The following JAKMIP2 variants were observed in gnomAD, a reference collection of about 807,000 sequenced individuals.
JAKMIP2 encodes janus kinase and microtubule interacting protein 2, also known as janus kinase and microtubule-interacting protein 2.
In JAKMIP2, 25 loss-of-function variants were observed where a neutral mutation model predicts 115.0. The ratio of observed to expected loss-of-function variants is 0.22; its 90% confidence interval spans 0.16 to 0.30. JAKMIP2 has a LOEUF of 0.30. Ranked by LOEUF, JAKMIP2 falls within the 10% of genes least tolerant of loss-of-function variation. The probability of loss-of-function intolerance (pLI) is 1.00; values close to 1 mark genes in which losing one functional copy is unlikely to be tolerated. For synonymous variants in JAKMIP2, 334 were observed against 343.6 expected, an observed-to-expected ratio of 0.97 and a Z score of 0.31; for missense variants, 642 against 957.6, an observed-to-expected ratio of 0.67 and a Z score of 4.35.
At chr5:147,742,143 A>ATG (rs1350740595) in intron 1 of JAKMIP2, among the ~76,000 whole-genome samples, 1 of 114,910 alleles carries the variant, frequency 8.7e-6, no homozygotes, top group East Asian at 3.2e-4. Flanking sequence ...GGATCATTAT[A>ATG]TATATATATA....
At chr5:147,744,548 G>A (rs1405666643) in intron 1 of JAKMIP2, among the ~76,000 whole-genome samples, 1 of 152,166 alleles carries the variant, frequency 6.6e-6, no homozygotes, top group Non-Finnish European at 1.5e-5. Flanking sequence ...CATTAATACT[G>A]TTTTAAAGCA....
chr5:147,746,098 G>A (rs749637593), intron 1 of JAKMIP2, among the ~76,000 whole-genome samples: 5 of 152,118 alleles, frequency 3.3e-5, no homozygotes, highest in Non-Finnish European at 7.4e-5. Context: ...GAGAGAATAG[G>A]ATCCAAGTTG....
At chr5:147,733,692 C>A (rs1190043655) in intron 1 of JAKMIP2, among the ~76,000 whole-genome samples, 1 of 152,148 alleles carries the variant, frequency 6.6e-6, no homozygotes, top group Non-Finnish European at 1.5e-5. Flanking sequence ...TGGACTCCCA[C>A]TTATGAGTGA....
intron 3 of JAKMIP2, among the ~76,000 whole-genome samples, chr5:147,657,501 A>T (rs1338379517): frequency 6.6e-6 from 1 of 151,832 alleles, no homozygotes; most frequent in African/African-American, 2.4e-5. Flanking sequence ...CTTCTAATGG[A>T]GTATCTTAGT....
intron 19 of JAKMIP2, among the ~76,000 whole-genome samples, chr5:147,614,505 G>C (rs1756479985): frequency 6.6e-6 from 1 of 152,094 alleles, no homozygotes; most frequent in South Asian, 2.1e-4. Flanking sequence ...TATCTCTACT[G>C]ATACCAAGTT....
intron 13 of JAKMIP2, among the ~76,000 whole-genome samples, chr5:147,631,941 T>G (rs1288848996): frequency 6.6e-6 from 1 of 152,204 alleles, no homozygotes; most frequent in East Asian, 1.9e-4. Context: ...TACTAACACC[T>G]AACTTTTTAT....
intron 1 of JAKMIP2, among the ~76,000 whole-genome samples, chr5:147,699,157 C>T (rs1203845461): frequency 2.2e-4 from 34 of 152,274 alleles, no homozygotes; most frequent in Non-Finnish European, 4.4e-5. Context: ...TAAAGCATAT[C>T]ACATTTGAAA....
rs776886380 is a variant in JAKMIP2, at chr5:147,587,475, T to C, written c.*4232A>G. 4 of 152,008 alleles carry C rather than the reference T, an allele frequency of 2.6e-5. No homozygotes were observed. Among genetic ancestry groups the C allele is most frequent in the South Asian group, 2.1e-4 (1 of 4,828 alleles). 9.4% of individuals were successfully genotyped at this position (152,008 alleles called of 1,614,324 possible). ...GTATTCTGTGCCACTCTTTGACAGA[T>C]TGAAATAATGCAATTAAATATTTTA... On this transcript the variant is annotated 3_prime_UTR_variant, in exon 22 of 22. Coordinates refer to ENST00000616793, the MANE Select transcript of JAKMIP2 (RefSeq NM_001270941.2).
chr5:147,730,353 A>C (rs1753680454), intron 1 of JAKMIP2, among the ~76,000 whole-genome samples: 1 of 152,230 alleles, frequency 6.6e-6, no homozygotes. Context: ...CAGTTTGGCA[A>C]AAAGCCTCCA....
At chr5:147,634,647 G>A (rs546287061) in intron 12 of JAKMIP2, among the ~76,000 whole-genome samples, 9 of 152,218 alleles carry the variant, frequency 5.9e-5, no homozygotes, top group Non-Finnish European at 8.8e-5. Context: ...TTATAGGGTC[G>A]CTTAACCTTC....
At chr5:147,712,588 A>T (rs1465090559) in intron 1 of JAKMIP2, among the ~76,000 whole-genome samples, 1 of 152,064 alleles carries the variant, frequency 6.6e-6, no homozygotes, top group African/African-American at 2.4e-5. Context: ...CTGCATTCTC[A>T]TCTCTTCGTG....
intron 3 of JAKMIP2, among the ~76,000 whole-genome samples, chr5:147,658,062 T>A (rs1758767963): frequency 6.6e-6 from 1 of 152,106 alleles, no homozygotes; most frequent in Admixed American, 6.5e-5. Context: ...ACAGTTGTTG[T>A]GAACGTTTGG....
chr5:147,780,499 T>C (rs1755716843), intron 1 of JAKMIP2, among the ~76,000 whole-genome samples: 1 of 152,216 alleles, frequency 6.6e-6, no homozygotes, highest in African/African-American at 2.4e-5. Context: ...GGAAGTCAAG[T>C]GTTATCACTA....
chr5:147,772,758 C>T lies in JAKMIP2; in HGVS notation c.-149+9698G>A, dbSNP rs187463675. On this transcript the variant is annotated intron_variant, in intron 1 of 21. Coordinates refer to ENST00000616793, the MANE Select transcript of JAKMIP2 (RefSeq NM_001270941.2). ...CCACTGTGCTACATAATCAGACAGA[C>T]TTTATTTCCATCTCAGTTAAAAAAA... Among the ~76,000 whole-genome samples, 780 of 152,146 alleles carry T rather than the reference C, an allele frequency of 5.1e-3. 3 individuals are homozygous for T. The highest frequency in any genetic ancestry group is 0.02 in the Middle Eastern group (6 of 294).
At chr5:147,727,435 C>A (rs1045336278) in intron 1 of JAKMIP2, among the ~76,000 whole-genome samples, 2 of 152,144 alleles carry the variant, frequency 1.3e-5, no homozygotes, top group Non-Finnish European at 2.9e-5. Flanking sequence ...CTTCAGAGGC[C>A]TCAGGAAACT....
At chr5:147,698,337 G>A (rs571977179) in intron 1 of JAKMIP2, among the ~76,000 whole-genome samples, 4 of 152,256 alleles carry the variant, frequency 2.6e-5, no homozygotes, top group Admixed American at 1.3e-4. Context: ...GACTTGCCTT[G>A]TCTCAGATGA....
At chr5:147,643,624 C>T (rs9918128) in intron 7 of JAKMIP2, among the ~76,000 whole-genome samples, 33,432 of 152,064 alleles carry the variant, frequency 0.22, 4,638 homozygotes, top group East Asian at 0.58. Context: ...GTTCATCCAA[C>T]AAATATTTGT....
At chr5:147,748,221 T>A (rs939952715) in intron 1 of JAKMIP2, among the ~76,000 whole-genome samples, 20 of 152,204 alleles carry the variant, frequency 1.3e-4, no homozygotes, top group African/African-American at 4.6e-4. Context: ...GAAATGTGGA[T>A]AATGATAATA....
chr5:147,731,554 G>A (rs1753734902), intron 1 of JAKMIP2, among the ~76,000 whole-genome samples: 1 of 152,092 alleles, frequency 6.6e-6, no homozygotes, highest in Non-Finnish European at 1.5e-5. Context: ...TTAAATTAAT[G>A]GTCATGTTTT....
Sources: gnomAD v4.1 joint callset for allele counts (sites outside exome capture counted in the v4.1 genomes callset) on GRCh38, gnomAD v4.1.1 for gene constraint, MANE v1.5 for transcripts, NCBI Gene and HGNC (gene_info 2026-07-23, HGNC 2026-07-21) for gene names.